PARD3B: variants seen among roughly 807,000 people sequenced by gnomAD.
PARD3B encodes the protein par-3 family cell polarity regulator beta, also known as partitioning defective 3 homolog B.
PARD3B carries 103 observed loss-of-function variants against 130.2 expected under a neutral mutation model. That is an observed-to-expected ratio of 0.79 (90% CI 0.67 to 0.93). The LOEUF (loss-of-function observed/expected upper bound fraction) is 0.93. Ranked by LOEUF, PARD3B falls within the 40% of genes least tolerant of loss-of-function variation. The pLI is 0.00. For synonymous variants in PARD3B, 583 were observed against 553.2 expected (o/e 1.05, Z -0.76); for missense variants, 1,609 against 1,499.2 (o/e 1.07, Z -1.21).
rs116094452 is a variant in PARD3B at position 205,463,621 on chromosome 2, G to A, written c.3044+22949G>A. Among the ~76,000 whole-genome samples, 588 of 152,274 alleles carry A rather than the reference G, an allele frequency of 3.9e-3. 1 individual carries two copies. Among genetic ancestry groups the A allele is most frequent in the African/African-American group, 6.2e-3 (259 of 41,562 alleles). ...TGATAATGTGCAAAATTAAGATTTC[G>A]TAAGTGGCATTTTAAATGAATGGTT... On this transcript the variant is annotated intron_variant, in intron 20 of 22. Transcript: ENST00000406610. The surrounding 1 kb of genome is among the most constrained non-coding windows in gnomAD (Gnocchi z 4.8).
At chr2:205,170,542 C>A (rs2035102542) in intron 11 of PARD3B, among the ~76,000 whole-genome samples, 1 of 152,190 alleles carries the variant, frequency 6.6e-6, no homozygotes, top group Non-Finnish European at 1.5e-5. Flanking sequence ...CCTGCAATCC[C>A]ACGTGGCTAA....
intron 2 of PARD3B, among the ~76,000 whole-genome samples, chr2:204,791,412 A>T (rs535351055): frequency 6.6e-6 from 1 of 152,196 alleles, no homozygotes; most frequent in Non-Finnish European, 1.5e-5. Context: ...GCTATTCATG[A>T]TAATAATCCT....
intron 22 of PARD3B, among the ~76,000 whole-genome samples, chr2:205,595,158 C>T (rs1386765344): frequency 0.054 from 3 of 56 alleles, no homozygotes; most frequent in Non-Finnish European, 0.11. Flanking sequence ...CAAGCCCAGT[C>T]TTCACCTCTG....
chr2:205,222,896 A>G (rs954732737), intron 15 of PARD3B, among the ~76,000 whole-genome samples: 2 of 151,446 alleles, frequency 1.3e-5, no homozygotes, highest in African/African-American at 4.8e-5. Flanking sequence ...ACTTCATAGT[A>G]TCGTTGTAAA....
intron 21 of PARD3B, among the ~76,000 whole-genome samples, chr2:205,527,364 T>C (rs902058189): frequency 3.9e-5 from 6 of 152,154 alleles, no homozygotes; most frequent in Non-Finnish European, 8.8e-5. Context: ...GCAGTAAGGA[T>C]TTTTTATAAA....
Position 205,230,353 on chromosome 2 carries a change from A to C in PARD3B, c.2141-15425A>C, listed in dbSNP as rs1559565241. On this transcript the variant is annotated intron_variant, in intron 15 of 22. Transcript: ENST00000406610. The surrounding 1 kb of genome is among the most constrained non-coding windows in gnomAD (Gnocchi z 4.1). ...ATTTTCTTTAGTCAGCAAGTGATGA[A>C]TCCTACCAGGTCTGGGTTCTCCCCT... Among the ~76,000 whole-genome samples, 2 of 152,140 alleles carry C rather than the reference A, an allele frequency of 1.3e-5. No homozygotes were observed. Among genetic ancestry groups the C allele is most frequent in the African/African-American group, 2.4e-5 (1 of 41,444 alleles).
intron 16 of PARD3B, among the ~76,000 whole-genome samples, chr2:205,247,523 G>C (rs2039621764): frequency 6.6e-6 from 1 of 152,190 alleles, no homozygotes; most frequent in Non-Finnish European, 1.5e-5. Flanking sequence ...GATAGAAATA[G>C]TTCCAACAGT....
At chr2:204,881,803 TTGTGCATCTGCTATCAAGGACTG>T (rs2046063299) in intron 2 of PARD3B, among the ~76,000 whole-genome samples, 1 of 152,226 alleles carries the variant, frequency 6.6e-6, no homozygotes, top group South Asian at 2.1e-4. Context: ...CTGCTGTGTG[TTGTGCATCTGCTATCAAGGACTG>T]CCTAGTCGCC....
intron 1 of PARD3B, among the ~76,000 whole-genome samples, chr2:204,643,597 T>C (rs2035168681): frequency 6.6e-6 from 1 of 152,058 alleles, no homozygotes; most frequent in Non-Finnish European, 1.5e-5. Context: ...TAAAACATTA[T>C]GAGATTTTTT....
intron 4 of PARD3B, among the ~76,000 whole-genome samples, chr2:205,080,527 A>G (rs977439505): frequency 1.3e-5 from 2 of 152,134 alleles, no homozygotes; most frequent in African/African-American, 2.4e-5. Flanking sequence ...CTATGTTTTT[A>G]TAAATCCATT....
rs1446932067 is a variant in PARD3B, at chr2:205,128,364, C to T, written c.1434+2627C>T. On this transcript the variant is annotated intron_variant, in intron 10 of 22. Transcript: ENST00000406610. The surrounding 1 kb of genome is among the most constrained non-coding windows in gnomAD (Gnocchi z 4.5). ...TACCTTCTTCCTAGAAGCTATGCCC[C>T]TCCACCAGGTAAGGGATGCTGATTT... 6.6e-6 allele frequency among the ~76,000 whole-genome samples: 1 copy of T among 152,200 alleles called. No individual in the cohort carries two copies. The highest frequency in any genetic ancestry group is 1.5e-5 in the Non-Finnish European group (1 of 68,036).
At chr2:205,092,247 T>C (rs17284159) in intron 4 of PARD3B, among the ~76,000 whole-genome samples, 3,271 of 151,898 alleles carry the variant, frequency 0.022, 52 homozygotes, top group Non-Finnish European at 0.034. Context: ...GTGTGGACAA[T>C]GAAAAGGGAA....
At chr2:205,410,305 G>A (rs1159100800) in intron 19 of PARD3B, among the ~76,000 whole-genome samples, 3 of 152,140 alleles carry the variant, frequency 2.0e-5, no homozygotes, top group Admixed American at 2.0e-4. Context: ...ATTAAATACA[G>A]CAGTGGCAGA....
rs1314584238 is a variant in PARD3B at position 205,288,021 on chromosome 2, TG to T, written c.2186-12508del. Among the ~76,000 whole-genome samples, 2 of 152,166 alleles carry T rather than the reference TG, an allele frequency of 1.3e-5. No homozygotes were observed. The highest frequency in any genetic ancestry group is 4.8e-5 in the African/African-American group (2 of 41,440). On this transcript the variant is annotated intron_variant, in intron 16 of 22. Transcript: ENST00000406610. The surrounding 1 kb of genome is among the most constrained non-coding windows in gnomAD (Gnocchi z 4.0). ...TTAAGTGGTACTTCCTTTCCATATTTGCCACCTCATTTATTTTGTGTGTCCC... is the reference window on the plus strand; with the variant it reads ...TTAAGTGGTACTTCCTTTCCATATTTCCACCTCATTTATTTTGTGTGTCCC...
intron 22 of PARD3B, among the ~76,000 whole-genome samples, chr2:205,565,527 T>G (rs2053291309): frequency 6.6e-6 from 1 of 152,248 alleles, no homozygotes. Context: ...CAAGATAATG[T>G]GAAGACTCTG....
intron 20 of PARD3B, among the ~76,000 whole-genome samples, chr2:205,478,868 C>T (rs1448801922): frequency 2.0e-5 from 3 of 152,112 alleles, no homozygotes; most frequent in East Asian, 3.9e-4. Context: ...TTTCTAATAA[C>T]ACCATTTCAG....
chr2:205,480,875 T>A (rs1233635955), intron 20 of PARD3B, among the ~76,000 whole-genome samples: 1 of 152,162 alleles, frequency 6.6e-6, no homozygotes, highest in Non-Finnish European at 1.5e-5. Flanking sequence ...CAGATAAAAC[T>A]GCCAGAGGAG....
intron 19 of PARD3B, 130 bp downstream of exon 19, chr2:205,401,253 T>C (rs1393541709): frequency 1.5e-6 from 1 of 658,282 alleles, no homozygotes; most frequent in African/African-American, 1.8e-5. Context: ...AAAGGAAAGG[T>C]GTCTGATACA....
At position 205,615,774 on chromosome 2, in the gene PARD3B, G is replaced by A. The variant is rs1006006406; in HGVS notation, c.3579G>A (p.Gln1193=). The part of the protein sequence containing the change: ...GSPDQYPYRT[Q]DSRQKNPMTA... The stretch of plus-strand genomic sequence containing the variant: ...CAGACCAGTACCCTTACCGAACCCA[G>A]GATTCCCGGCAGAAGAACCCCATGA... The change falls in exon 23 of 23, where the codon CAG becomes CAA. Residue 1193 remains glutamine (Q), a synonymous_variant. Transcript: ENST00000406610. 1.9e-6 allele frequency: 3 copies of A among 1,613,800 alleles called. No homozygotes were observed. In the African/African-American group the frequency reaches 4.0e-5, roughly 22 times the overall value.
Sources: gnomAD v4.1 joint callset for allele counts (sites outside exome capture counted in the v4.1 genomes callset) on GRCh38, gnomAD v4.1.1 for gene constraint, Gnocchi (gnomAD v3.1) non-coding constraint, MANE v1.5 for transcripts, NCBI Gene and HGNC (gene_info 2026-07-23, HGNC 2026-07-21) for gene names.